Variants in MAF observed in about 807,000 individuals in gnomAD.
The protein encoded by MAF is transcription factor Maf.
Under a neutral mutation model 22.0 loss-of-function variants are expected in MAF, and 10 were observed. The ratio of observed to expected loss-of-function variants is 0.45; its 90% CI spans 0.28 to 0.77. MAF has a LOEUF of 0.77. Among genes scored for constraint, MAF ranks in the 30% least tolerant of loss-of-function variants. MAF has a pLI of 0.12. For synonymous variants in MAF, 337 were observed against 255.8 expected, an observed-to-expected ratio of 1.32 and a Z score of -3.03; for missense variants, 544 against 548.4, an observed-to-expected ratio of 0.99 and a Z score of 0.08.
At chr16:79,214,155 C>T in the MAF span, among the ~76,000 whole-genome samples, 1 of 152,080 alleles carries the variant, frequency 6.6e-6, no homozygotes, top group Non-Finnish European at 1.5e-5. Flanking sequence ...TCTTATTCCC[C>T]TTCCCCTCTA....
At chr16:79,212,009 C>T in the MAF span, 6 of 1,536,096 alleles carry the variant, frequency 3.9e-6, no homozygotes, top group Middle Eastern at 1.7e-4. Flanking sequence ...CTGGGCTAGG[C>T]ATAGGTCTCT....
chr16:79,517,688 C>A, the MAF span, among the ~76,000 whole-genome samples: 1 of 151,626 alleles, frequency 6.6e-6, no homozygotes, highest in Admixed American at 6.6e-5. Context: ...GATTCTCCTG[C>A]CTCAGCCTTC....
chr16:79,480,132 G>A, the MAF span, among the ~76,000 whole-genome samples: 2 of 152,094 alleles, frequency 1.3e-5, no homozygotes, highest in Non-Finnish European at 2.9e-5. Flanking sequence ...TGGTCTGGCT[G>A]AGATACCACC....
chr16:79,211,162 A>G, the MAF span, among the ~76,000 whole-genome samples: 2 of 152,058 alleles, frequency 1.3e-5, no homozygotes, highest in Non-Finnish European at 2.9e-5. Context: ...TTTCTACCTG[A>G]TGGACCACAA....
chr16:79,282,632 T>C, the MAF span, among the ~76,000 whole-genome samples: 5 of 152,150 alleles, frequency 3.3e-5, no homozygotes, highest in African/African-American at 1.2e-4. Flanking sequence ...AGAAGACCTT[T>C]TAGATTAGGA....
At chr16:79,558,635 G>T in the MAF span, among the ~76,000 whole-genome samples, 1 of 152,156 alleles carries the variant, frequency 6.6e-6, no homozygotes, top group Admixed American at 6.5e-5. Flanking sequence ...CACAGAATGG[G>T]CATTTTCATT....
chr16:79,596,732 T>C (rs956984810), intron 1 of MAF: 2 of 1,043,970 alleles, frequency 1.9e-6, no homozygotes, highest in Admixed American at 5.6e-5. Flanking sequence ...TTACTGATTA[T>C]TGCCTTTAAA....
At chr16:79,590,051 A>G (rs1913098949), downstream of MAF, among the ~76,000 whole-genome samples, 1 of 152,008 alleles carries the variant, frequency 6.6e-6, no homozygotes, top group African/African-American at 2.4e-5. Flanking sequence ...CACCTACTGT[A>G]CGCCCCTCGG....
chr16:79,561,553 G>A, the MAF span, among the ~76,000 whole-genome samples: 1 of 150,856 alleles, frequency 6.6e-6, no homozygotes, highest in African/African-American at 2.4e-5. Flanking sequence ...ACCTACGAGT[G>A]AGAACATGCA....
At chr16:79,409,740 G>A in the MAF span, among the ~76,000 whole-genome samples, 5 of 152,296 alleles carry the variant, frequency 3.3e-5, no homozygotes, top group African/African-American at 9.6e-5. Flanking sequence ...ACAGAGACAG[G>A]AGAACAAACT....
At chr16:79,276,920 C>T in the MAF span, among the ~76,000 whole-genome samples, 152 of 152,278 alleles carry the variant, frequency 1.0e-3, no homozygotes, top group Non-Finnish European at 1.7e-3. Flanking sequence ...TGTCTGGTGG[C>T]GGCGGGCAAT....
At chr16:79,297,287 G>A in the MAF span, among the ~76,000 whole-genome samples, 1 of 152,196 alleles carries the variant, frequency 6.6e-6, no homozygotes, top group African/African-American at 2.4e-5. Context: ...TGAAAGCAAT[G>A]TAAAGCTTTC....
At chr16:79,406,153 T>C in the MAF span, among the ~76,000 whole-genome samples, 1 of 147,966 alleles carries the variant, frequency 6.8e-6, no homozygotes, top group East Asian at 2.0e-4. Flanking sequence ...TCCATGGCCT[T>C]TGGCTGTTCC....
the MAF span, among the ~76,000 whole-genome samples, chr16:79,407,338 A>C: frequency 6.6e-6 from 1 of 152,184 alleles, no homozygotes. Flanking sequence ...TAATTTAAGG[A>C]AACTACCAAA....
At chr16:79,222,748 A>T in the MAF span, among the ~76,000 whole-genome samples, 1 of 152,168 alleles carries the variant, frequency 6.6e-6, no homozygotes, top group East Asian at 1.9e-4. Flanking sequence ...AAACAGTTTA[A>T]ACCAACAAGA....
the MAF span, among the ~76,000 whole-genome samples, chr16:79,225,239 T>G: frequency 6.6e-6 from 1 of 151,960 alleles, no homozygotes; most frequent in East Asian, 1.9e-4. Context: ...CTTGACAAAC[T>G]TGAGAAAAAC....
At chr16:79,303,634 A>T in the MAF span, among the ~76,000 whole-genome samples, 2,679 of 152,314 alleles carry the variant, frequency 0.018, 85 homozygotes, top group African/African-American at 0.061. Context: ...TTCCACTGGC[A>T]TGGCAAATAA....
the MAF span, among the ~76,000 whole-genome samples, chr16:79,443,313 C>A: frequency 6.6e-6 from 1 of 152,096 alleles, no homozygotes; most frequent in Non-Finnish European, 1.5e-5. Context: ...CCCCATGGCA[C>A]CCCAACCCCT....
At chr16:79,410,382 A>T in the MAF span, among the ~76,000 whole-genome samples, 1 of 152,364 alleles carries the variant, frequency 6.6e-6, no homozygotes, top group East Asian at 1.9e-4. Context: ...GCCACATGCC[A>T]TTAGTGGCCA....
Sources: allele counts gnomAD v4.1 joint callset (sites outside exome capture counted in the v4.1 genomes callset), GRCh38; gene constraint gnomAD v4.1.1; transcripts MANE v1.5; gene names NCBI Gene and HGNC (gene_info 2026-07-23, HGNC 2026-07-21).